DNAI4: variants seen among roughly 807,000 people sequenced by gnomAD.
DNAI4 encodes WD repeat domain 78.
In DNAI4, 85 loss-of-function variants were observed where a neutral mutation model predicts 105.8. The observed-to-expected ratio is 0.80, with a 90% CI of 0.67 to 0.96. The LOEUF is 0.96. DNAI4 is among the 40% of genes least tolerant of loss of function. The pLI is 0.00. For missense variants in DNAI4, 1,014 were observed against 1,005.6 expected, an observed-to-expected ratio of 1.01 and a Z score of -0.11; for synonymous variants, 352 against 331.5, an observed-to-expected ratio of 1.06 and a Z score of -0.67.
chr1:66,880,428 C>T (rs1046726245), intron 4 of DNAI4, among the ~76,000 whole-genome samples: 1 of 152,134 alleles, frequency 6.6e-6, no homozygotes, highest in African/African-American at 2.4e-5. Flanking sequence ...GCGATACGGA[C>T]AATACAGTCT....
At chr1:66,920,468 T>C (rs1447941019) in intron 1 of DNAI4, among the ~76,000 whole-genome samples, 1 of 152,162 alleles carries the variant, frequency 6.6e-6, no homozygotes, top group African/African-American at 2.4e-5. Flanking sequence ...ACGCTGTCTG[T>C]AGATGGCAAA....
intron 4 of DNAI4, among the ~76,000 whole-genome samples, chr1:66,880,596 T>G (rs2100706826): frequency 6.6e-6 from 1 of 152,250 alleles, no homozygotes; most frequent in South Asian, 2.1e-4. Context: ...CAGAAGAAAT[T>G]TCTAAGCAAC....
chr1:66,884,102 T>C (rs1344190982), intron 4 of DNAI4, among the ~76,000 whole-genome samples: 1 of 152,220 alleles, frequency 6.6e-6, no homozygotes, highest in African/African-American at 2.4e-5. Context: ...GTCTGGTTTA[T>C]TTCACTTAGC....
rs12061450 is a variant in DNAI4 at position 66,893,053 on chromosome 1, A to G, written c.530+176T>C. 9.3e-3 allele frequency among the ~76,000 whole-genome samples: 621 copies of G among 66,434 alleles called. 16 individuals carry two copies. Among genetic ancestry groups the G allele is most frequent in the African/African-American group, 0.027 (447 of 16,622 alleles). The allele number at this position is 66,434 out of a possible 152,430, so 43.6% of individuals were successfully genotyped here. ...AAGAGAGGAAAGAAAGAAAGAAAGA[A>G]AGAGAGAGAGAGAAAGAAAGAAAGA... On this transcript the variant is annotated intron_variant, in intron 3 of 16. Coordinates refer to ENST00000371026, the MANE Select transcript of DNAI4 (RefSeq NM_024763.5).
chr1:66,822,990 G>T (rs7364609), intron 15 of DNAI4, among the ~76,000 whole-genome samples: 57,660 of 151,634 alleles, frequency 0.38, 11,706 homozygotes, highest in South Asian at 0.5. Flanking sequence ...CCTGTGCCAT[G>T]CTGGTGCGCT....
intron 8 of DNAI4, among the ~76,000 whole-genome samples, chr1:66,841,097 A>T (rs1646139498): frequency 1.3e-5 from 2 of 152,292 alleles, no homozygotes. Context: ...AAGCCCCTGA[A>T]ATTTTGTCAG....
intron 4 of DNAI4, among the ~76,000 whole-genome samples, chr1:66,877,010 AATGTG>A: frequency 6.6e-6 from 1 of 152,190 alleles, no homozygotes; most frequent in South Asian, 2.1e-4. Context: ...TTTTATCCAT[AATGTG>A]ATATTTTGGC....
At chr1:66,836,306 AAGAAAGAAAGAAAGAAAG>A (rs1646021629) in intron 10 of DNAI4, among the ~76,000 whole-genome samples, 1 of 149,602 alleles carries the variant, frequency 6.7e-6, no homozygotes, top group Non-Finnish European at 1.5e-5. Flanking sequence ...GAAAGAAAGA[AAGAAAGAAAGAAAGAAAG>A]AAGGAAAGAG....
chr1:66,845,500 T>C (rs1646257772), intron 8 of DNAI4, among the ~76,000 whole-genome samples: 1 of 152,148 alleles, frequency 6.6e-6, no homozygotes. Context: ...ATAATCCCAT[T>C]TGTAGGTATT....
chr1:66,853,250 T>A (rs1646433429), intron 7 of DNAI4, among the ~76,000 whole-genome samples: 1 of 152,260 alleles, frequency 6.6e-6, no homozygotes, highest in African/African-American at 2.4e-5. Context: ...CATGCAGAAC[T>A]ATGCCTCATG....
Position 66,835,688 on chromosome 1 carries a change from G to T in DNAI4, c.1671C>A (p.His557Gln). 1 of 1,614,118 alleles carries T rather than the reference G, an allele frequency of 6.2e-7. No homozygotes were observed. Residue 557 changes from histidine (H) to glutamine (Q), a missense_variant, in exon 11 of 17, where the codon CAC (histidine) becomes CAA (glutamine). Transcript: ENST00000371026. ...GAPNLLAVGY[H>Q]NGTIAIYNVR... is the part of the protein sequence containing the mutation. ...CATTGTAAATTGCAATTGTGCCATT[G>T]TGATAGCCAACGGCTAAAAGGTTAG...
intron 3 of DNAI4, among the ~76,000 whole-genome samples, chr1:66,892,978 A>AAAGAAAGAAATT (rs1647832479): frequency 7.4e-6 from 1 of 135,964 alleles, no homozygotes; most frequent in Non-Finnish European, 1.5e-5. Context: ...AGAAAGAAAG[A>AAAGAAAGAAATT]AAGAAAGAAA....
Position 66,924,748 on chromosome 1 carries a change from T to G in DNAI4, c.84A>C (p.Gln28His), listed in dbSNP as rs1249680526. 2 of 1,614,042 alleles carry G rather than the reference T, an allele frequency of 1.2e-6. No individual in the cohort carries two copies. The highest frequency in any genetic ancestry group is 1.7e-6 in the Non-Finnish European group (2 of 1,180,000). ...AWGYRDFRGGQKKGWCTTPQL... is the reference protein window; with the variant it reads ...AWGYRDFRGGHKKGWCTTPQL... ...GGGGAGTGGTGCACCACCCCTTTTT[T>G]TGGCCGCCTCTGAAGTCCCTGTACC... Residue 28 changes from glutamine to histidine, a missense_variant, in exon 1 of 17, where the codon CAA becomes CAC. Transcript: ENST00000371026.
chr1:66,893,053 AAGAG>A lies in DNAI4; in HGVS notation c.530+172_530+175del, dbSNP rs71058480. ...AAGAGAGGAAAGAAAGAAAGAAAGAAAGAGAGAGAGAGAAAGAAAGAAAGAAAGA... is the reference window on the plus strand; with the variant it reads ...AAGAGAGGAAAGAAAGAAAGAAAGAAAGAGAGAGAAAGAAAGAAAGAAAGA... On this transcript the variant is annotated intron_variant, in intron 3 of 16. Transcript: ENST00000371026. Among the ~76,000 whole-genome samples, 263 of 66,582 alleles carry A rather than the reference AAGAG, an allele frequency of 4.0e-3. 9 individuals are homozygous for A. The highest frequency in any genetic ancestry group is 8.9e-3 in the African/African-American group (148 of 16,672). 43.7% of individuals were successfully genotyped at this position (66,582 alleles called of 152,430 possible). A position where few individuals can be genotyped will look rare whatever the true frequency, so the allele number is the denominator to read the frequency against.
intron 4 of DNAI4, 133 bp downstream of exon 4, chr1:66,891,020 CT>C (rs1647589163): frequency 5.3e-6 from 4 of 750,976 alleles, no homozygotes; most frequent in Non-Finnish European, 9.2e-6. Flanking sequence ...CCTGGTAATT[CT>C]CTTGAAGCGA....
intron 1 of DNAI4, 98 bp from the exon 2 acceptor site, chr1:66,905,473 C>T: frequency 2.9e-6 from 2 of 690,614 alleles, no homozygotes; most frequent in Non-Finnish European, 4.3e-6. Flanking sequence ...AACATGTGAA[C>T]AATCTAAACA....
chr1:66,845,012 G>A (rs1187330597), intron 8 of DNAI4, among the ~76,000 whole-genome samples: 3 of 151,738 alleles, frequency 2.0e-5, no homozygotes, highest in Non-Finnish European at 4.4e-5. Context: ...TGACCAACAC[G>A]GTGAAACCCG....
chr1:66,825,346 ATT>A (rs1330473287), intron 15 of DNAI4, among the ~76,000 whole-genome samples: 1 of 150,130 alleles, frequency 6.7e-6, no homozygotes, highest in Non-Finnish European at 1.5e-5. Context: ...CGCCCGGCTA[ATT>A]TTTTTTGTAT....
At chr1:66,836,822 C>T (rs1280790692) in intron 10 of DNAI4, among the ~76,000 whole-genome samples, 1 of 152,176 alleles carries the variant, frequency 6.6e-6, no homozygotes, top group East Asian at 1.9e-4. Context: ...TTTTTATATG[C>T]TCTTCTGACC....
Sources: gnomAD v4.1 joint callset for allele counts (sites outside exome capture counted in the v4.1 genomes callset) on GRCh38, gnomAD v4.1.1 for gene constraint, MANE v1.5 for transcripts, NCBI Gene and HGNC (gene_info 2026-07-23, HGNC 2026-07-21) for gene names.